Variants in ERAP1 observed in about 807,000 individuals in gnomAD.
ERAP1 encodes adipocyte-derived leucine aminopeptidase.
ERAP1 carries 86 observed loss-of-function variants against 103.7 expected under a neutral mutation model. The observed-to-expected ratio is 0.83, with a 90% confidence interval of 0.70 to 0.99. The LOEUF (loss-of-function observed/expected upper bound fraction) is 0.99, where lower values mean the gene tolerates loss of function less well. Ranked by LOEUF, ERAP1 falls within the 50% of genes least tolerant of loss-of-function variation. ERAP1 has a pLI of 0.00. For synonymous variants in ERAP1, 398 were observed against 402.4 expected (o/e 0.99, Z 0.13); for missense variants, 1,009 against 1,128.4 (o/e 0.89, Z 1.52).
rs761509401 is a variant in ERAP1, at chr5:96,803,620, A to G, written c.307T>C (p.Ser103Pro). ...GCTCCCTTCCTGAGGGTGGCCCTAGATATCTGCAGGTGGTGACTATGCAGG... is the reference window on the plus strand; with the variant it reads ...GCTCCCTTCCTGAGGGTGGCCCTAGGTATCTGCAGGTGGTGACTATGCAGG... ...IILHSHHLQISRATLRKGAGE... is the reference protein window; with the variant it reads ...IILHSHHLQIPRATLRKGAGE... The change falls in exon 2 of 19, where the codon TCT becomes CCT. Residue 103 changes from serine (S) to proline (P), a missense_variant. Around this residue, in one of 3 missense-constraint regions of ERAP1, gnomAD observed 392 missense variants for 455.2 expected, o/e 0.86. Transcript: ENST00000443439. 6.2e-6 allele frequency: 10 copies of G among 1,614,164 alleles called. No individual in the cohort carries two copies. The South Asian group carries it at 9.9e-5, about 16-fold the overall frequency.
intron 18 of ERAP1, among the ~76,000 whole-genome samples, chr5:96,777,656 G>A (rs1429393621): frequency 6.6e-6 from 1 of 152,202 alleles, no homozygotes; most frequent in Non-Finnish European, 1.5e-5. Flanking sequence ...CAGAATGCAA[G>A]ATTAATTCAC....
At chr5:96,911,099 A>G in the ERAP1 span, among the ~76,000 whole-genome samples, 2 of 152,390 alleles carry the variant, frequency 1.3e-5, no homozygotes, top group South Asian at 4.1e-4. Context: ...CATTAGAATC[A>G]TAGGGTTAAA....
At chr5:96,896,348 A>C in the ERAP1 span, 1 of 1,585,244 alleles carries the variant, frequency 6.3e-7, no homozygotes, top group Non-Finnish European at 8.6e-7. Context: ...AGAAACTAAA[A>C]CTAAACATTT....
chr5:96,794,904 A>G (rs1031936364), intron 5 of ERAP1, 138 bp downstream of exon 5: 3 of 932,430 alleles, frequency 3.2e-6, no homozygotes, highest in African/African-American at 1.6e-5. Flanking sequence ...AGAAAGATCA[A>G]CCGCAGGTTT....
chr5:96,830,143 T>C, the ERAP1 span, among the ~76,000 whole-genome samples: 1 of 152,162 alleles, frequency 6.6e-6, no homozygotes, highest in African/African-American at 2.4e-5. Context: ...TGAGAGCCTA[T>C]GGGACTGCAT....
intron 19 of ERAP1, chr5:96,767,477 T>C: frequency 6.2e-7 from 1 of 1,612,292 alleles, no homozygotes; most frequent in East Asian, 2.2e-5. Flanking sequence ...ATCAGAGGAT[T>C]CAAAGGTAAA....
At chr5:96,829,513 A>G in the ERAP1 span, among the ~76,000 whole-genome samples, 1 of 152,376 alleles carries the variant, frequency 6.6e-6, no homozygotes, top group South Asian at 2.1e-4. Context: ...CTTTTGATCC[A>G]TGCTAATCCA....
At chr5:96,888,816 G>A in the ERAP1 span, among the ~76,000 whole-genome samples, 385 of 152,286 alleles carry the variant, frequency 2.5e-3, no homozygotes, top group African/African-American at 9.0e-3. Flanking sequence ...TATTTGAATT[G>A]TGTTTGTGGT....
At chr5:96,835,310 A>T in the ERAP1 span, among the ~76,000 whole-genome samples, 1 of 152,174 alleles carries the variant, frequency 6.6e-6, no homozygotes, top group East Asian at 1.9e-4. Flanking sequence ...ATCTTCAGGG[A>T]CCTGTCAAGT....
At chr5:96,880,374 G>C in the ERAP1 span, 2 of 949,912 alleles carry the variant, frequency 2.1e-6, no homozygotes, top group South Asian at 1.8e-5. Flanking sequence ...GTGAACTATG[G>C]GGAACCCAGA....
chr5:96,875,535 CAA>C, the ERAP1 span, among the ~76,000 whole-genome samples: 155 of 134,902 alleles, frequency 1.1e-3, no homozygotes, highest in Non-Finnish European at 1.1e-3. Context: ...GACCCTATCT[CAA>C]AAAAAAAAAA....
intron 19 of ERAP1, among the ~76,000 whole-genome samples, chr5:96,765,525 GC>G (rs1561616380): frequency 6.6e-6 from 1 of 152,082 alleles, no homozygotes; most frequent in Admixed American, 6.5e-5. Context: ...TACCAGCGGA[GC>G]CTCCCTGAGG....
the ERAP1 span, chr5:96,896,277 T>G: frequency 1.0e-6 from 1 of 971,910 alleles, no homozygotes; most frequent in Non-Finnish European, 1.5e-6. Context: ...GATTGAAATC[T>G]TACCTCTAAG....
At chr5:96,765,317 A>G in intron 19 of ERAP1, 1 of 1,328,842 alleles carries the variant, frequency 7.5e-7, no homozygotes, top group Non-Finnish European at 1.1e-6. Flanking sequence ...AATGGAAGAT[A>G]AAGTAAAGGT....
At chr5:96,790,171 C>T in intron 10 of ERAP1, 125 bp downstream of exon 10, 3 of 816,784 alleles carry the variant, frequency 3.7e-6, no homozygotes, top group Non-Finnish European at 6.2e-6. Flanking sequence ...AGTTTAAATG[C>T]AGTCTTATCT....
chr5:96,822,880 G>A, the ERAP1 span: 3,108 of 325,912 alleles, frequency 9.5e-3, 87 homozygotes, highest in African/African-American at 0.063. Context: ...TATATGGGTC[G>A]TCTCCTTAGG....
chr5:96,840,774 C>T, the ERAP1 span, among the ~76,000 whole-genome samples: 2 of 151,192 alleles, frequency 1.3e-5, no homozygotes, highest in East Asian at 2.0e-4. Flanking sequence ...GGCATGATCT[C>T]GGCTCACTGC....
At chr5:96,824,158 T>C in the ERAP1 span, among the ~76,000 whole-genome samples, 1 of 152,218 alleles carries the variant, frequency 6.6e-6, no homozygotes, top group South Asian at 2.1e-4. Context: ...TGGACAGAGA[T>C]TGACTTTGGG....
chr5:96,879,725 C>T, the ERAP1 span: 1 of 1,614,160 alleles, frequency 6.2e-7, no homozygotes. Flanking sequence ...ACACAGAAAA[C>T]CAATGTTTAA....
Sources: allele counts gnomAD v4.1 joint callset (sites outside exome capture counted in the v4.1 genomes callset), GRCh38; gene constraint gnomAD v4.1.1; regional missense constraint gnomAD v4.1.1; transcripts MANE v1.5; gene names NCBI Gene and HGNC (gene_info 2026-07-23, HGNC 2026-07-21).